The following SENP7 variants were observed in gnomAD, a reference collection of about 807,000 sequenced individuals.
The protein encoded by SENP7 is SUMO specific peptidase 7, also known as sentrin-specific protease 7.
In SENP7, 64 loss-of-function variants were observed where a neutral mutation model predicts 141.2. The ratio of observed to expected loss-of-function variants is 0.45; its 90% CI spans 0.37 to 0.56. SENP7 has a LOEUF of 0.56. Among genes scored for constraint, SENP7 ranks in the 20% least tolerant of loss-of-function variants. The probability of loss-of-function intolerance (pLI) is 0.00; values close to 1 mark genes in which losing one functional copy is unlikely to be tolerated. For synonymous variants in SENP7, 382 were observed against 426.4 expected, an observed-to-expected ratio of 0.90 and a Z score of 1.28; for missense variants, 1,025 against 1,212.2, an observed-to-expected ratio of 0.85 and a Z score of 2.29.
intron 6 of SENP7, among the ~76,000 whole-genome samples, chr3:101,379,922 C>T (rs1030226212): frequency 1.3e-5 from 2 of 152,140 alleles, no homozygotes; most frequent in African/African-American, 4.8e-5. Context: ...AGAAGCAACA[C>T]CACTATCTAT....
chr3:101,453,635 A>G (rs1576401833), intron 4 of SENP7, among the ~76,000 whole-genome samples: 2 of 151,496 alleles, frequency 1.3e-5, no homozygotes, highest in East Asian at 2.0e-4. Flanking sequence ...TAAACACCGC[A>G]TGTTCTCACT....
intron 4 of SENP7, among the ~76,000 whole-genome samples, chr3:101,455,171 G>A (rs1021565570): frequency 5.9e-5 from 9 of 152,008 alleles, no homozygotes; most frequent in Admixed American, 3.3e-4. Flanking sequence ...GCACAGCAGC[G>A]ATTTATAAAA....
chr3:101,361,646 A>G, intron 11 of SENP7, 69 bp downstream of exon 11: 1 of 1,425,746 alleles, frequency 7.0e-7, no homozygotes. Context: ...GCTAAGAAAA[A>G]AAAGGAAAAA....
chr3:101,408,389 A>G (rs2061364297), intron 5 of SENP7, among the ~76,000 whole-genome samples: 2 of 152,184 alleles, frequency 1.3e-5, no homozygotes, highest in Admixed American at 6.5e-5. Flanking sequence ...TATTGACACT[A>G]TTCGACAAGA....
intron 3 of SENP7, among the ~76,000 whole-genome samples, chr3:101,473,036 C>T (rs556414513): frequency 6.6e-6 from 1 of 152,256 alleles, no homozygotes; most frequent in African/African-American, 2.4e-5. Context: ...CATTAGTTTG[C>T]TAAGGATAAT....
intron 13 of SENP7, among the ~76,000 whole-genome samples, chr3:101,344,235 T>C (rs10451923): frequency 0.14 from 21,243 of 152,174 alleles, 1,518 homozygotes; most frequent in South Asian, 0.18. Flanking sequence ...CATTTGTTAA[T>C]GAATGTATGA....
At chr3:101,334,997 A>C (rs1415291883) in intron 17 of SENP7, among the ~76,000 whole-genome samples, 1 of 152,202 alleles carries the variant, frequency 6.6e-6, no homozygotes, top group Non-Finnish European at 1.5e-5. Context: ...CGAGCAAGGT[A>C]CTGAGGATAG....
At chr3:101,411,644 C>T (rs2061461318) in intron 5 of SENP7, among the ~76,000 whole-genome samples, 1 of 152,122 alleles carries the variant, frequency 6.6e-6, no homozygotes, top group African/African-American at 2.4e-5. Context: ...CAGGGCTAGC[C>T]AGCATTTCAG....
chr3:101,406,659 T>C (rs2061316396), intron 5 of SENP7, among the ~76,000 whole-genome samples: 1 of 151,332 alleles, frequency 6.6e-6, no homozygotes, highest in African/African-American at 2.4e-5. Context: ...GGGGAATAAT[T>C]GAGGAAAGCT....
At chr3:101,454,381 G>A (rs2063271882) in intron 4 of SENP7, among the ~76,000 whole-genome samples, 1 of 152,068 alleles carries the variant, frequency 6.6e-6, no homozygotes, top group Non-Finnish European at 1.5e-5. Flanking sequence ...GCATGGTGGT[G>A]CGTGCCTGTA....
chr3:101,471,734 A>T (rs1321698245), intron 3 of SENP7, among the ~76,000 whole-genome samples: 4 of 152,190 alleles, frequency 2.6e-5, no homozygotes, highest in Non-Finnish European at 1.5e-5. Context: ...AATGGGAGAA[A>T]ATTTTTACAA....
At chr3:101,476,967 T>C (rs932545571) in intron 3 of SENP7, among the ~76,000 whole-genome samples, 39 of 152,332 alleles carry the variant, frequency 2.6e-4, no homozygotes, top group African/African-American at 7.9e-4. Context: ...TCTTGTAAAT[T>C]TGTTTAAGTT....
At chr3:101,430,271 C>T (rs577729151) in intron 4 of SENP7, among the ~76,000 whole-genome samples, 1 of 152,132 alleles carries the variant, frequency 6.6e-6, no homozygotes, top group East Asian at 1.9e-4. Context: ...GGTACCAGCT[C>T]TTCTTTGTAT....
intron 17 of SENP7, among the ~76,000 whole-genome samples, chr3:101,336,786 C>T (rs1394945022): frequency 6.6e-6 from 1 of 152,122 alleles, no homozygotes; most frequent in African/African-American, 2.4e-5. Context: ...CTAAGAAATA[C>T]CTCCTTTTTG....
At chr3:101,479,943 C>CA (rs982140532) in intron 3 of SENP7, among the ~76,000 whole-genome samples, 9 of 29,296 alleles carry the variant, frequency 3.1e-4, no homozygotes, top group Admixed American at 1.1e-3. Flanking sequence ...CACACACAAA[C>CA]AAAAAAAACT....
intron 17 of SENP7, among the ~76,000 whole-genome samples, chr3:101,336,239 C>T (rs2059182095): frequency 6.6e-6 from 1 of 152,196 alleles, no homozygotes; most frequent in South Asian, 2.1e-4. Context: ...TAGTTCCTAG[C>T]AGGCACTCAA....
intron 1 of SENP7, among the ~76,000 whole-genome samples, chr3:101,507,448 CT>C (rs1343885676): frequency 6.6e-6 from 1 of 152,204 alleles, no homozygotes; most frequent in Non-Finnish European, 1.5e-5. Context: ...ATTCTACCCC[CT>C]CATCTACATC....
In SENP7 at chr3:101,361,791, A is replaced by G; in HGVS notation, c.1547T>C (p.Met516Thr). 1.2e-6 allele frequency: 2 copies of G among 1,608,952 alleles called. No individual in the cohort carries two copies. Among genetic ancestry groups the G allele is most frequent in the Non-Finnish European group, 1.7e-6 (2 of 1,178,190 alleles). The change falls in exon 11 of 24, where the codon ATG becomes ACG. Residue 516 changes from methionine to threonine, a missense_variant. Physicochemically the swap from Met to Thr is moderately conservative, Grantham distance 81. This residue lies in a region of SENP7 where 228 missense variants were observed against 228.5 expected (regional missense o/e 1.00). Transcript: ENST00000394095. ...AAATATAAAATCCAGTTGTAGATCC[A>G]TCTCATTACTAGGCATAATACTGGA... Reference protein sequence around the residue: ...NISSIMPSNEMDLQLDFIFTS... With the variant: ...NISSIMPSNETDLQLDFIFTS...
intron 4 of SENP7, chr3:101,457,254 T>C: frequency 6.3e-7 from 1 of 1,585,392 alleles, no homozygotes; most frequent in Non-Finnish European, 8.6e-7. Flanking sequence ...GTTTGCCTCA[T>C]TCTTGGAAGC....
Sources: allele counts gnomAD v4.1 joint callset (sites outside exome capture counted in the v4.1 genomes callset), GRCh38; gene constraint gnomAD v4.1.1; regional missense constraint gnomAD v4.1.1; transcripts MANE v1.5; gene names NCBI Gene and HGNC (gene_info 2026-07-23, HGNC 2026-07-21).